The following MYO3B variants were observed in gnomAD, a reference collection of about 807,000 sequenced individuals.
The protein encoded by MYO3B is myosin IIIB.
In MYO3B, 156 loss-of-function variants were observed where a neutral mutation model predicts 174.6. That is an observed-to-expected ratio of 0.89 (90% CI 0.78 to 1.02). MYO3B has a LOEUF of 1.02. Ranked by LOEUF, MYO3B falls within the 50% of genes least tolerant of loss-of-function variation. The probability of loss-of-function intolerance (pLI) is 0.00; values close to 1 mark genes in which losing one functional copy is unlikely to be tolerated. For missense variants in MYO3B, 1,632 were observed against 1,639.4 expected, an observed-to-expected ratio of 1.00 and a Z score of 0.08; for synonymous variants, 563 against 569.1, an observed-to-expected ratio of 0.99 and a Z score of 0.15.
At chr2:170,438,657 C>A (rs960773623) in intron 22 of MYO3B, among the ~76,000 whole-genome samples, 2 of 150,554 alleles carry the variant, frequency 1.3e-5, no homozygotes, top group Non-Finnish European at 3.0e-5. Flanking sequence ...TTTTTTGAGA[C>A]GGAGTCTTGC....
At chr2:170,464,195 A>G (rs1684477405) in intron 24 of MYO3B, among the ~76,000 whole-genome samples, 1 of 152,072 alleles carries the variant, frequency 6.6e-6, no homozygotes, top group East Asian at 1.9e-4. Context: ...TCTAGTAAAA[A>G]TGCAAAAATT....
intron 32 of MYO3B, among the ~76,000 whole-genome samples, chr2:170,603,122 A>T (rs78189093): frequency 0.031 from 4,661 of 152,066 alleles, 267 homozygotes; most frequent in African/African-American, 0.11. Context: ...CATAAACTTT[A>T]TTTTCCTAAA....
rs60918987 is a variant in MYO3B, at chr2:170,514,265, C to T, written c.3371-656C>T. Among the ~76,000 whole-genome samples, 879 of 152,320 alleles carry T rather than the reference C, an allele frequency of 5.8e-3. 11 individuals are homozygous for T. The highest frequency in any genetic ancestry group is 0.02 in the African/African-American group (828 of 41,572). ...GAGAACGGAAGAAGAGATGTGACAG[C>T]TGGGAAAATCCCTGGTAGAGCCATT... On this transcript the variant is annotated intron_variant, in intron 28 of 34. Coordinates refer to ENST00000408978, the MANE Select transcript of MYO3B (RefSeq NM_138995.5).
At chr2:170,188,688 T>G (rs574128818) in intron 1 of MYO3B, among the ~76,000 whole-genome samples, 1 of 152,300 alleles carries the variant, frequency 6.6e-6, no homozygotes, top group East Asian at 1.9e-4. Flanking sequence ...TCCATTATTT[T>G]ATTAATAAAC....
chr2:170,593,382 C>A (rs1206387574), intron 32 of MYO3B, among the ~76,000 whole-genome samples: 1 of 152,196 alleles, frequency 6.6e-6, no homozygotes, highest in East Asian at 1.9e-4. Context: ...GGGTTGCAGG[C>A]ATGAGCCAGC....
At chr2:170,608,934 A>G (rs1257365063) in intron 32 of MYO3B, among the ~76,000 whole-genome samples, 1 of 152,246 alleles carries the variant, frequency 6.6e-6, no homozygotes, top group East Asian at 1.9e-4. Flanking sequence ...GCGCTTGAGA[A>G]CCAAAGTCCC....
intron 27 of MYO3B, among the ~76,000 whole-genome samples, chr2:170,500,694 A>G (rs1364485395): frequency 6.6e-6 from 1 of 152,208 alleles, no homozygotes; most frequent in African/African-American, 2.4e-5. Context: ...GTAAAGCCCC[A>G]GTCACACAGA....
At chr2:170,329,559 T>C (rs1010284411) in intron 7 of MYO3B, among the ~76,000 whole-genome samples, 1 of 150,648 alleles carries the variant, frequency 6.6e-6, no homozygotes, top group African/African-American at 2.4e-5. Flanking sequence ...TTTTGTATTT[T>C]TTTTTTTTTT....
chr2:170,211,999 C>G (rs1019218953), intron 3 of MYO3B, among the ~76,000 whole-genome samples: 1 of 151,142 alleles, frequency 6.6e-6, no homozygotes, highest in African/African-American at 2.4e-5. Flanking sequence ...ATCCCAGCAC[C>G]TTGGGAGGCC....
intron 32 of MYO3B, among the ~76,000 whole-genome samples, chr2:170,572,934 A>G (rs115895101): frequency 6.8e-4 from 103 of 152,132 alleles, no homozygotes; most frequent in African/African-American, 2.4e-3. Flanking sequence ...TTATCCCTTC[A>G]GTAATTCATT....
At chr2:170,351,625 G>A (rs74879145) in intron 8 of MYO3B, among the ~76,000 whole-genome samples, 47,329 of 151,672 alleles carry the variant, frequency 0.31, 8,169 homozygotes, top group East Asian at 0.53. Flanking sequence ...AGGAGGGTGG[G>A]CAAAGGGGAA....
At chr2:170,616,031 C>T (rs1484412662) in intron 32 of MYO3B, among the ~76,000 whole-genome samples, 1 of 152,174 alleles carries the variant, frequency 6.6e-6, no homozygotes, top group African/African-American at 2.4e-5. Context: ...TAATTTCTAA[C>T]AGAGCCTTAA....
intron 32 of MYO3B, among the ~76,000 whole-genome samples, chr2:170,566,269 G>A (rs1481325652): frequency 1.3e-5 from 2 of 152,192 alleles, no homozygotes; most frequent in Non-Finnish European, 2.9e-5. Context: ...ACAAAAGGAT[G>A]AAGTAATGCT....
chr2:170,594,405 A>C (rs754762154), intron 32 of MYO3B, among the ~76,000 whole-genome samples: 1 of 152,216 alleles, frequency 6.6e-6, no homozygotes, highest in Non-Finnish European at 1.5e-5. Context: ...AGCAGGAGAC[A>C]GAAGATACAG....
In MYO3B at chr2:170,220,488, G is replaced by A. The variant is rs2092884216; in HGVS notation, c.603+3093G>A. ...TACTAAAAATACAAAAATTAGCCTG[G>A]CAGGATGGCAGGGGCCTGTAGTCCC... On this transcript the variant is annotated intron_variant, in intron 6 of 34. Coordinates refer to ENST00000408978, the MANE Select transcript of MYO3B (RefSeq NM_138995.5). Among the ~76,000 whole-genome samples the A allele has an allele frequency of 6.6e-5, 10 of 151,358 alleles. No homozygotes were observed. In the South Asian group the frequency reaches 2.1e-3, roughly 32 times the overall value.
chr2:170,445,584 G>A (rs538612603), intron 23 of MYO3B, among the ~76,000 whole-genome samples: 13 of 151,870 alleles, frequency 8.6e-5, no homozygotes, highest in South Asian at 4.2e-4. Context: ...CAGGTGATCC[G>A]CCCACCTGGG....
intron 7 of MYO3B, among the ~76,000 whole-genome samples, chr2:170,309,632 A>C (rs1417434232): frequency 6.6e-6 from 1 of 152,046 alleles, no homozygotes; most frequent in Non-Finnish European, 1.5e-5. Flanking sequence ...TTTTATCCCC[A>C]GTCCAGTGCC....
At chr2:170,265,338 T>A (rs1158816329) in intron 7 of MYO3B, among the ~76,000 whole-genome samples, 1 of 152,254 alleles carries the variant, frequency 6.6e-6, no homozygotes, top group African/African-American at 2.4e-5. Flanking sequence ...TCAGAAAGGT[T>A]CTAAAAGAAA....
intron 32 of MYO3B, among the ~76,000 whole-genome samples, chr2:170,594,827 GCACACACACACACACACA>G (rs3047151): frequency 7.4e-6 from 1 of 135,100 alleles, no homozygotes; most frequent in African/African-American, 2.9e-5. Flanking sequence ...CCCAGCGCGC[GCACACACACACACACACA>G]CACACACACA....
Sources: allele counts gnomAD v4.1 joint callset (sites outside exome capture counted in the v4.1 genomes callset), GRCh38; gene constraint gnomAD v4.1.1; transcripts MANE v1.5; gene names NCBI Gene and HGNC (gene_info 2026-07-23, HGNC 2026-07-21).